SCN2A: variants seen among roughly 807,000 people sequenced by gnomAD.
SCN2A encodes the protein sodium voltage-gated channel alpha subunit 2.
SCN2A carries 20 observed loss-of-function variants against 188.7 expected under a neutral mutation model. That is an observed-to-expected ratio of 0.11 (90% CI 0.07 to 0.15). SCN2A has a LOEUF of 0.15. Ranked by LOEUF, SCN2A falls within the 10% of genes least tolerant of loss-of-function variation. The pLI is 1.00. For synonymous variants in SCN2A, 804 were observed against 833.1 expected, an observed-to-expected ratio of 0.97 and a Z score of 0.60; for missense variants, 1,278 against 2,445.0, an observed-to-expected ratio of 0.52 and a Z score of 10.07.
chr2:165,302,868 A>G (rs1696898586), intron 3 of SCN2A, among the ~76,000 whole-genome samples: 1 of 152,242 alleles, frequency 6.6e-6, no homozygotes, highest in Non-Finnish European at 1.5e-5. Flanking sequence ...GTTTCTTCAT[A>G]ATATACACAA....
intron 1 of SCN2A, among the ~76,000 whole-genome samples, chr2:165,240,809 A>C (rs886297755): frequency 4.9e-4 from 75 of 151,884 alleles, no homozygotes; most frequent in African/African-American, 1.8e-3. Context: ...ATGGGGAATG[A>C]TTTTATAAAA....
intron 14 of SCN2A, among the ~76,000 whole-genome samples, chr2:165,331,914 T>C (rs555533747): frequency 6.6e-6 from 1 of 152,112 alleles, no homozygotes; most frequent in Non-Finnish European, 1.5e-5. Flanking sequence ...AAACAAATGA[T>C]AAAATATGCC....
At chr2:165,388,502 A>T in intron 26 of SCN2A, 127 bp from the exon 27 acceptor site, 2 of 1,286,608 alleles carry the variant, frequency 1.6e-6, no homozygotes, top group Non-Finnish European at 2.2e-6. Flanking sequence ...AACATTGCAG[A>T]TTATTTGCAT....
At chr2:165,353,889 G>A (rs1010265182) in intron 16 of SCN2A, among the ~76,000 whole-genome samples, 6 of 151,544 alleles carry the variant, frequency 4.0e-5, no homozygotes, top group Admixed American at 3.3e-4. Flanking sequence ...CAAATAAAAG[G>A]GTTTTTTTTG....
chr2:165,286,314 T>C (rs1263560008), intron 1 of SCN2A, among the ~76,000 whole-genome samples: 1 of 152,178 alleles, frequency 6.6e-6, no homozygotes, highest in Non-Finnish European at 1.5e-5. Context: ...ACCATGTGCA[T>C]GTAGGTAACA....
Position 165,258,386 on chromosome 2 carries a change from A to T in SCN2A, c.-52+18746A>T, listed in dbSNP as rs537934448. ...CAGTTTCAATCTTCTGCATATGGCTAGCCAGTTATCCCAGCATTGTTTATT... is the reference window on the plus strand; with the variant it reads ...CAGTTTCAATCTTCTGCATATGGCTTGCCAGTTATCCCAGCATTGTTTATT... On this transcript the variant is annotated intron_variant, in intron 1 of 26. Transcript: ENST00000375437. Among the ~76,000 whole-genome samples, 25 of 152,292 alleles carry T rather than the reference A, an allele frequency of 1.6e-4. No homozygotes were observed. In the South Asian group the frequency reaches 5.2e-3, roughly 32 times the overall value.
rs1365575831 is a variant in SCN2A at position 165,390,897 on chromosome 2, A to G, written c.*1073A>G. 6.6e-6 allele frequency: 1 copy of G among 152,574 alleles called. No individual in the cohort carries two copies. Among genetic ancestry groups the G allele is most frequent in the Non-Finnish European group, 1.5e-5 (1 of 68,008 alleles). 9.5% of individuals were successfully genotyped at this position (152,574 alleles called of 1,614,324 possible). A position where few individuals can be genotyped will look rare whatever the true frequency, so the allele number is the denominator to read the frequency against. ...GGTAAGGTTGACATAGTATATGTCAATTTAAAAAATAAAAGTCTGCTTTGT... is the reference window on the plus strand; with the variant it reads ...GGTAAGGTTGACATAGTATATGTCAGTTTAAAAAATAAAAGTCTGCTTTGT... On this transcript the variant is annotated 3_prime_UTR_variant, in exon 27 of 27. Transcript: ENST00000375437.
intron 23 of SCN2A, 59 bp downstream of exon 23, chr2:165,377,709 G>A: frequency 7.6e-7 from 1 of 1,322,818 alleles, no homozygotes; most frequent in East Asian, 2.3e-5. Context: ...CTACAATATT[G>A]TAATTTAGTG....
At chr2:165,388,283 C>T (rs1364821822) in intron 26 of SCN2A, among the ~76,000 whole-genome samples, 1 of 152,102 alleles carries the variant, frequency 6.6e-6, no homozygotes, top group Non-Finnish European at 1.5e-5. Context: ...AGTTCTTATG[C>T]AAATACTAGA....
chr2:165,291,577 C>CCTT (rs1559340809), intron 1 of SCN2A, among the ~76,000 whole-genome samples: 66 of 86,896 alleles, frequency 7.6e-4, no homozygotes, highest in African/African-American at 2.0e-3. Flanking sequence ...TCCTTCCTTT[C>CCTT]TCTCTCTCTC....
chr2:165,280,833 C>T (rs928359338), intron 1 of SCN2A, among the ~76,000 whole-genome samples: 18 of 152,190 alleles, frequency 1.2e-4, no homozygotes, highest in African/African-American at 4.1e-4. Flanking sequence ...TAAGCCACAT[C>T]TCAGTGTCTG....
At chr2:165,370,596 C>T (rs949466661) in intron 20 of SCN2A, 10 of 334,352 alleles carry the variant, frequency 3.0e-5, no homozygotes, top group East Asian at 1.1e-4. Flanking sequence ...GCTTTTTGCA[C>T]ACTCACATTT....
At chr2:165,346,479 G>A (rs1213771688) in intron 16 of SCN2A, among the ~76,000 whole-genome samples, 1 of 152,048 alleles carries the variant, frequency 6.6e-6, no homozygotes, top group Non-Finnish European at 1.5e-5. Context: ...AGACTTAAAT[G>A]TAAGACCTAA....
intron 13 of SCN2A, among the ~76,000 whole-genome samples, chr2:165,331,032 A>G (rs1021636185): frequency 2.6e-5 from 4 of 152,150 alleles, no homozygotes; most frequent in African/African-American, 9.7e-5. Flanking sequence ...TATGCAATGC[A>G]AGTTCTACCC....
chr2:165,354,766 A>G (rs1700097293), intron 17 of SCN2A, 95 bp downstream of exon 17: 1 of 1,240,948 alleles, frequency 8.1e-7, no homozygotes, highest in Non-Finnish European at 1.1e-6. Flanking sequence ...CCTTCCTGTT[A>G]AGAAAATAGA....
At chr2:165,308,215 T>A (rs1180747488) in intron 4 of SCN2A, among the ~76,000 whole-genome samples, 1 of 152,146 alleles carries the variant, frequency 6.6e-6, no homozygotes, top group East Asian at 1.9e-4. Flanking sequence ...AGTGATTTAC[T>A]AATATCTACT....
At chr2:165,364,457 C>A (rs1700621215) in intron 17 of SCN2A, among the ~76,000 whole-genome samples, 1 of 152,162 alleles carries the variant, frequency 6.6e-6, no homozygotes, top group Non-Finnish European at 1.5e-5. Flanking sequence ...ACTAAATATT[C>A]ATTTCTGCCT....
intron 3 of SCN2A, among the ~76,000 whole-genome samples, chr2:165,302,922 A>G (rs1203616030): frequency 6.6e-6 from 1 of 152,208 alleles, no homozygotes; most frequent in African/African-American, 2.4e-5. Context: ...AGTATCAATC[A>G]ACAGGTTTAC....
At chr2:165,278,360 T>C (rs1198224149) in intron 1 of SCN2A, among the ~76,000 whole-genome samples, 2 of 152,148 alleles carry the variant, frequency 1.3e-5, no homozygotes, top group Non-Finnish European at 1.5e-5. Flanking sequence ...GGAAACTTAC[T>C]ATCATGGCAA....
Sources: gnomAD v4.1 joint callset for allele counts (sites outside exome capture counted in the v4.1 genomes callset) on GRCh38, gnomAD v4.1.1 for gene constraint, MANE v1.5 for transcripts, NCBI Gene and HGNC (gene_info 2026-07-23, HGNC 2026-07-21) for gene names.